Variants in XKR6 observed in about 807,000 individuals in gnomAD.
XKR6 encodes the protein XK related 6, also known as XK-related protein 6.
A neutral mutation model predicts 56.7 loss-of-function variants in XKR6; 22 were observed. The ratio of observed to expected loss-of-function variants is 0.39; its 90% CI spans 0.28 to 0.55. The LOEUF (loss-of-function observed/expected upper bound fraction) is 0.55. Ranked by LOEUF, XKR6 falls within the 20% of genes least tolerant of loss-of-function variation. The probability of loss-of-function intolerance (pLI) is 0.66; values close to 1 mark genes in which losing one functional copy is unlikely to be tolerated. For missense variants in XKR6, 852 were observed against 889.0 expected, an observed-to-expected ratio of 0.96 and a Z score of 0.53; for synonymous variants, 524 against 387.8, an observed-to-expected ratio of 1.35 and a Z score of -4.13.
rs746712713 is a variant in XKR6 at position 10,946,510 on chromosome 8, T to G, written c.765-21680A>C. On this transcript the variant is annotated intron_variant, in intron 1 of 2. Coordinates refer to ENST00000416569, the MANE Select transcript of XKR6 (RefSeq NM_173683.4). ...GAATTTATCTAAAACACTAAGGAGG[T>G]TCTTCATCCACCCCTCCCACCCCTG... is the stretch of plus-strand genomic sequence containing the variant. Among the ~76,000 whole-genome samples the G allele has an allele frequency of 6.0e-4, 91 of 151,690 alleles. 2 individuals carry two copies. Among genetic ancestry groups the G allele is most frequent in the Middle Eastern group, 3.4e-3 (1 of 294 alleles).
intron 1 of XKR6, among the ~76,000 whole-genome samples, chr8:11,145,985 T>C (rs144419916): frequency 1.4e-3 from 216 of 152,166 alleles, no homozygotes; most frequent in African/African-American, 4.7e-3. Flanking sequence ...GGTGTGGGCA[T>C]CGAGATACAC....
At chr8:10,928,291 C>T (rs1202748095) in intron 1 of XKR6, among the ~76,000 whole-genome samples, 1 of 152,248 alleles carries the variant, frequency 6.6e-6, no homozygotes, top group Non-Finnish European at 1.5e-5. Context: ...GCAGGAGGAT[C>T]CTGGCAGCTC....
At chr8:10,985,887 T>G (rs1433648650) in intron 1 of XKR6, among the ~76,000 whole-genome samples, 1 of 152,186 alleles carries the variant, frequency 6.6e-6, no homozygotes, top group Non-Finnish European at 1.5e-5. Context: ...ATTACAGGCA[T>G]GAGCCACTGC....
At chr8:11,172,604 C>T (rs1222744043) in intron 1 of XKR6, among the ~76,000 whole-genome samples, 1 of 152,166 alleles carries the variant, frequency 6.6e-6, no homozygotes, top group East Asian at 1.9e-4. Flanking sequence ...TGCACCCAGG[C>T]CTGCTCCCAA....
intron 1 of XKR6, among the ~76,000 whole-genome samples, chr8:11,149,023 G>T (rs919884287): frequency 2.5e-4 from 38 of 152,176 alleles, no homozygotes; most frequent in African/African-American, 8.9e-4. Flanking sequence ...ATGACAGGGA[G>T]GGGATTACAA....
intron 1 of XKR6, among the ~76,000 whole-genome samples, chr8:11,148,777 G>C (rs988905847): frequency 2.0e-5 from 3 of 152,146 alleles, no homozygotes; most frequent in African/African-American, 7.2e-5. Flanking sequence ...GACAACACAA[G>C]TATCCATTAG....
At chr8:11,110,061 C>T (rs1224070745) in intron 1 of XKR6, among the ~76,000 whole-genome samples, 1 of 152,160 alleles carries the variant, frequency 6.6e-6, no homozygotes, top group African/African-American at 2.4e-5. Context: ...CAGCCTCCAC[C>T]TCCCGGGTTC....
Position 11,184,245 on chromosome 8 carries a change from A to T in XKR6, c.764+16331T>A, listed in dbSNP as rs148944371. Among the ~76,000 whole-genome samples, 247 of 152,280 alleles carry T rather than the reference A, an allele frequency of 1.6e-3. 1 individual carries two copies. The highest frequency in any genetic ancestry group is 5.7e-3 in the African/African-American group (237 of 41,564). On this transcript the variant is annotated intron_variant, in intron 1 of 2. Coordinates refer to ENST00000416569, the MANE Select transcript of XKR6 (RefSeq NM_173683.4). ...TACTTATTAGCCACACAGGTCACAG[A>T]TTTTGGCTTTTTAAGAAGAAACAAG... is the stretch of plus-strand genomic sequence containing the variant.
intron 1 of XKR6, among the ~76,000 whole-genome samples, chr8:11,051,867 C>G (rs958186765): frequency 6.6e-6 from 1 of 152,082 alleles, no homozygotes; most frequent in Non-Finnish European, 1.5e-5. Flanking sequence ...AAACGGGATA[C>G]ACGTGCAGAA....
intron 1 of XKR6, among the ~76,000 whole-genome samples, chr8:11,044,632 C>T (rs1018821074): frequency 1.4e-5 from 2 of 147,970 alleles, no homozygotes; most frequent in African/African-American, 5.2e-5. Flanking sequence ...TAATGATTTT[C>T]TGATTTTTTT....
At chr8:10,942,525 G>A (rs1801414745) in intron 1 of XKR6, among the ~76,000 whole-genome samples, 1 of 152,178 alleles carries the variant, frequency 6.6e-6, no homozygotes, top group South Asian at 2.1e-4. Flanking sequence ...GCCTCCACAG[G>A]GAGGCAGAGA....
chr8:10,960,228 G>A lies in XKR6; in HGVS notation c.765-35398C>T, dbSNP rs1199786327. On this transcript the variant is annotated intron_variant, in intron 1 of 2. Coordinates refer to ENST00000416569, the MANE Select transcript of XKR6 (RefSeq NM_173683.4). ...GCAGGTGGGTGCAGGTATAGCAGGT[G>A]GGTACAGGTATAGCAGGTAGGTGCA... Among the ~76,000 whole-genome samples the A allele has an allele frequency of 1.6e-4, 24 of 151,350 alleles. 1 individual carries two copies. Among genetic ancestry groups the A allele is most frequent in the African/African-American group, 5.3e-4 (22 of 41,186 alleles).
intron 2 of XKR6, among the ~76,000 whole-genome samples, chr8:10,913,617 C>G (rs910743219): frequency 9.9e-5 from 15 of 152,214 alleles, no homozygotes; most frequent in Non-Finnish European, 1.8e-4. Flanking sequence ...TGTTTACAAA[C>G]ACGATCACTG....
intron 1 of XKR6, among the ~76,000 whole-genome samples, chr8:10,995,693 C>CA (rs33957321): frequency 0.35 from 40,054 of 114,808 alleles, 7,043 homozygotes; most frequent in African/African-American, 0.49. Context: ...ATCTCCCCAC[C>CA]AAAAAAAAAA....
chr8:11,080,035 T>A (rs188399127), intron 1 of XKR6, among the ~76,000 whole-genome samples: 1 of 151,784 alleles, frequency 6.6e-6, no homozygotes, highest in African/African-American at 2.4e-5. Flanking sequence ...AAAATAATCA[T>A]AAAAGGTCCC....
At chr8:11,191,291 G>A (rs1052056083) in intron 1 of XKR6, among the ~76,000 whole-genome samples, 3 of 152,068 alleles carry the variant, frequency 2.0e-5, no homozygotes, top group Non-Finnish European at 4.4e-5. Context: ...AATTGATTCC[G>A]GCAAGGATTC....
rs189487412 is a variant in XKR6 at position 10,946,171 on chromosome 8, G to C, written c.765-21341C>G. Among the ~76,000 whole-genome samples the C allele has an allele frequency of 1.7e-4, 26 of 151,972 alleles. No homozygotes were observed. In the East Asian group the frequency reaches 3.9e-3, roughly 23 times the overall value. ...GCCTGCAGGTTTCTCACAATCTGCC[G>C]GGACCCAAGTAGCCTATTTGCACAC... On this transcript the variant is annotated intron_variant, in intron 1 of 2. Coordinates refer to ENST00000416569, the MANE Select transcript of XKR6 (RefSeq NM_173683.4).
intron 2 of XKR6, among the ~76,000 whole-genome samples, chr8:10,911,636 G>GTA (rs1185089647): frequency 9.7e-5 from 14 of 144,272 alleles, no homozygotes; most frequent in Non-Finnish European, 2.0e-4. Flanking sequence ...GAGGGGGTGA[G>GTA]TATATATATA....
chr8:11,178,547 A>ATATATATATGTATAT (rs1802779230), intron 1 of XKR6, among the ~76,000 whole-genome samples: 3 of 88,500 alleles, frequency 3.4e-5, no homozygotes, highest in African/African-American at 1.7e-4. Context: ...GAGAGGTAAA[A>ATATATATATGTATAT]ATATATATAT....
Sources: gnomAD v4.1 joint callset for allele counts (sites outside exome capture counted in the v4.1 genomes callset) on GRCh38, gnomAD v4.1.1 for gene constraint, MANE v1.5 for transcripts, NCBI Gene and HGNC (gene_info 2026-07-23, HGNC 2026-07-21) for gene names.